Variants in NRP2 observed in about 807,000 individuals in gnomAD.
NRP2 encodes neuropilin 2.
Under a neutral mutation model 110.4 loss-of-function variants are expected in NRP2, and 52 were observed. The observed-to-expected ratio is 0.47, with a 90% CI of 0.38 to 0.59. The LOEUF (loss-of-function observed/expected upper bound fraction) is 0.59, where lower values mean the gene tolerates loss of function less well. Among genes scored for constraint, NRP2 ranks in the 20% least tolerant of loss-of-function variants. The pLI is 0.00. For synonymous variants in NRP2, 508 were observed against 468.9 expected (o/e 1.08, Z -1.08); for missense variants, 1,049 against 1,203.0 (o/e 0.87, Z 1.89).
intron 3 of NRP2, among the ~76,000 whole-genome samples, chr2:205,719,501 G>A (rs1008314347): frequency 6.6e-5 from 10 of 151,460 alleles, no homozygotes; most frequent in South Asian, 2.1e-4. Context: ...ATTTTTAAAC[G>A]TAAAATGTCA....
At chr2:205,736,995 A>G (rs1238072190) in intron 7 of NRP2, among the ~76,000 whole-genome samples, 4 of 152,244 alleles carry the variant, frequency 2.6e-5, no homozygotes, top group African/African-American at 9.6e-5. Context: ...TTGTAAAACC[A>G]TTGGGTCAGG....
At chr2:205,695,346 T>C (rs751808752) in intron 1 of NRP2, among the ~76,000 whole-genome samples, 27 of 152,344 alleles carry the variant, frequency 1.8e-4, no homozygotes, top group African/African-American at 6.0e-4. Context: ...AGATGAGAAA[T>C]TAAACCTTCC....
At chr2:205,685,174 C>T (rs903176713) in intron 1 of NRP2, among the ~76,000 whole-genome samples, 4 of 152,220 alleles carry the variant, frequency 2.6e-5, no homozygotes, top group Admixed American at 6.5e-5. Context: ...TCTGCAGAAC[C>T]CCCTCCCATC....
Position 205,726,072 on chromosome 2 carries a change from A to G in NRP2, c.980A>G (p.Glu327Gly). ...GWTPNLDSNK[E>G]YLQVDLRFLT... ...ACCCCCAACTTGGATTCCAACAAGG[A>G]GTATCTCCAGGTACTTGTGCAGATA... The change falls in exon 6 of 17, where the codon GAG becomes GGG. Residue 327 changes from glutamate (E) to glycine (G), a missense_variant. Physicochemically the swap from Glu to Gly is moderately conservative, Grantham distance 98. Coordinates refer to ENST00000357785, the MANE Select transcript of NRP2 (RefSeq NM_003872.3). The G allele has an allele frequency of 6.2e-7, 1 of 1,614,230 alleles. No homozygotes were observed. The highest frequency in any genetic ancestry group is 1.1e-5 in the South Asian group (1 of 91,080).
At chr2:205,776,290 C>A (rs2058096552) in intron 15 of NRP2, 7 of 1,613,010 alleles carry the variant, frequency 4.3e-6, no homozygotes, top group Non-Finnish European at 5.9e-6. Flanking sequence ...GGACACGGTG[C>A]CCATGCAGCC....
chr2:205,707,810 C>T (rs3771047), intron 2 of NRP2, among the ~76,000 whole-genome samples: 2 of 152,014 alleles, frequency 1.3e-5, no homozygotes, highest in South Asian at 4.2e-4. Flanking sequence ...ACACCTATTC[C>T]GGAGGGAACT....
chr2:205,716,461 A>G, intron 3 of NRP2, 87 bp downstream of exon 3: 1 of 1,376,314 alleles, frequency 7.3e-7, no homozygotes, highest in Non-Finnish European at 1.0e-6. Flanking sequence ...GCACTGGGTA[A>G]GGGTGACAGT....
At chr2:205,754,846 C>T (rs921005394) in intron 12 of NRP2, among the ~76,000 whole-genome samples, 64 of 151,930 alleles carry the variant, frequency 4.2e-4, no homozygotes, top group Non-Finnish European at 6.2e-4. Flanking sequence ...TCAGCAGAGG[C>T]GCTTGGAATA....
At position 205,752,840 on chromosome 2, in the gene NRP2, G is replaced by T; in HGVS notation, c.1909G>T (p.Asp637Tyr). The change falls in exon 12 of 17, where the codon GAT (aspartate) becomes TAT (tyrosine). Residue 637 changes from aspartate to tyrosine, a missense_variant. Asp to Tyr is a radical substitution (Grantham distance 160, BLOSUM62 -3). Transcript: ENST00000357785. ...GENCSFEDDK[D>Y]LQLPSGFNCN... ...TTATTGTTTTCCCCTTTTAGACAAA[G>T]ATTTGCAGCTCCCTTCGGGATTCAA... 6.2e-7 allele frequency: 1 copy of T among 1,614,148 alleles called. No individual in the cohort carries two copies. Among genetic ancestry groups the T allele is most frequent in the Non-Finnish European group, 8.5e-7 (1 of 1,180,014 alleles).
At chr2:205,739,311 C>T (rs1241011399) in intron 7 of NRP2, among the ~76,000 whole-genome samples, 6 of 152,174 alleles carry the variant, frequency 3.9e-5, no homozygotes, top group Non-Finnish European at 7.3e-5. Flanking sequence ...TTTCCTTATC[C>T]AATGAAGTGG....
intron 7 of NRP2, among the ~76,000 whole-genome samples, chr2:205,738,933 G>T (rs1575608290): frequency 6.6e-6 from 1 of 152,290 alleles, no homozygotes; most frequent in East Asian, 1.9e-4. Context: ...AAAAGGTATG[G>T]TGTCTTCAGT....
At chr2:205,788,446 T>C (rs1036157607) in intron 15 of NRP2, among the ~76,000 whole-genome samples, 2 of 152,276 alleles carry the variant, frequency 1.3e-5, no homozygotes, top group East Asian at 3.9e-4. Flanking sequence ...GACTCTCACA[T>C]AGATATATGC....
chr2:205,790,648 G>GGT (rs1553601301), intron 15 of NRP2, among the ~76,000 whole-genome samples: 4 of 145,100 alleles, frequency 2.8e-5, no homozygotes, highest in Non-Finnish European at 1.5e-5. Flanking sequence ...TTTCTTCCAT[G>GGT]TTTTTTTTTT....
At chr2:205,751,667 GC>G (rs1286437541) in intron 11 of NRP2, among the ~76,000 whole-genome samples, 1 of 152,100 alleles carries the variant, frequency 6.6e-6, no homozygotes, top group African/African-American at 2.4e-5. Flanking sequence ...GCAGTGCCCT[GC>G]CCCCCATGAG....
At chr2:205,715,717 C>T (rs891535043) in intron 2 of NRP2, among the ~76,000 whole-genome samples, 3 of 152,086 alleles carry the variant, frequency 2.0e-5, no homozygotes, top group Admixed American at 2.0e-4. Context: ...TAGCCCCTTA[C>T]ATATATATTT....
intron 7 of NRP2, among the ~76,000 whole-genome samples, chr2:205,729,032 G>C (rs1464384081): frequency 1.3e-5 from 2 of 152,168 alleles, no homozygotes; most frequent in African/African-American, 2.4e-5. Flanking sequence ...ATCAAAATGG[G>C]GCACATGTGG....
intron 7 of NRP2, among the ~76,000 whole-genome samples, chr2:205,734,300 T>C (rs2105846287): frequency 6.6e-6 from 1 of 152,196 alleles, no homozygotes; most frequent in Middle Eastern, 3.4e-3. Flanking sequence ...TAAAACAAGT[T>C]TTTAAATTGT....
chr2:205,759,126 A>T (rs1005868784), intron 12 of NRP2, among the ~76,000 whole-genome samples: 1 of 152,192 alleles, frequency 6.6e-6, no homozygotes, highest in Non-Finnish European at 1.5e-5. Context: ...AGCTTGGAAG[A>T]AGGGTCAGTG....
intron 10 of NRP2, among the ~76,000 whole-genome samples, chr2:205,746,807 T>A (rs1247640548): frequency 6.6e-6 from 1 of 152,156 alleles, no homozygotes; most frequent in Admixed American, 6.5e-5. Context: ...GTCGGAGAAG[T>A]GCTTTTGGCT....
Sources: allele counts gnomAD v4.1 joint callset (sites outside exome capture counted in the v4.1 genomes callset), GRCh38; gene constraint gnomAD v4.1.1; transcripts MANE v1.5; gene names NCBI Gene and HGNC (gene_info 2026-07-23, HGNC 2026-07-21).